OR51V1: variants seen among roughly 807,000 people sequenced by gnomAD.
OR51V1 encodes olfactory receptor family 51 subfamily V member 1.
Under a neutral mutation model 16.3 loss-of-function variants are expected in OR51V1, and 16 were observed. The ratio of observed to expected loss-of-function variants is 0.98; its 90% CI spans 0.67 to 1.49. The LOEUF (loss-of-function observed/expected upper bound fraction) is 1.49. Among genes scored for constraint, OR51V1 ranks in the 40% most tolerant of loss-of-function variants. The pLI, the probability that OR51V1 is intolerant of heterozygous loss-of-function variation, is 0.00. For missense variants in OR51V1, 469 were observed against 380.4 expected (o/e 1.23, Z -1.94); for synonymous variants, 189 against 142.2 (o/e 1.33, Z -2.34).
Position 5,200,081 on chromosome 11 carries a change from T to C in OR51V1, c.602A>G (p.Tyr201Cys), listed in dbSNP as rs766086459. The C allele has an allele frequency of 1.7e-5, 28 of 1,613,548 alleles. No homozygotes were observed. The highest frequency in any genetic ancestry group is 2.4e-5 in the Non-Finnish European group (28 of 1,179,504). The change falls in exon 1 of 1, where the codon TAT becomes TGT. Residue 201 changes from tyrosine (Y) to cysteine (C), a missense_variant. By Grantham distance (194) the Tyr-to-Cys change is radical (BLOSUM62 -2). Coordinates refer to ENST00000641270, the MANE Select transcript of OR51V1 (RefSeq NM_001004760.3). ...ACSDIRFNSYYALMLVICILL... is the reference protein window; with the variant it reads ...ACSDIRFNSYCALMLVICILL... ...TATGCAAATAACCAGCATCAGGGCA[T>C]AGTAACTATTGAATCGGATGTCTGA... is the stretch of plus-strand genomic sequence containing the variant.
At position 5,199,884 on chromosome 11, in the gene OR51V1, A is replaced by G; in HGVS notation, c.799T>C (p.Phe267Leu). ...GCCACGGGGGAAAGGTGCTTGCCAA[A>G]ACGGTGCACCATTGTGAGGCTAATG... ...PIISLTMVHR[F>L]GKHLSPVAHV... The change falls in exon 1 of 1, where the codon TTT becomes CTT. Residue 267 changes from phenylalanine to leucine, a missense_variant. By Grantham distance (22) the Phe-to-Leu change is conservative. Coordinates refer to ENST00000641270, the MANE Select transcript of OR51V1 (RefSeq NM_001004760.3). The G allele has an allele frequency of 1.2e-6, 2 of 1,614,120 alleles. No individual in the cohort carries two copies. Among genetic ancestry groups the G allele is most frequent in the Middle Eastern group, 1.6e-4 (1 of 6,062 alleles).
chr11:5,199,847 A>G lies in OR51V1; in HGVS notation c.836T>C (p.Ile279Thr), dbSNP rs775923202. The change falls in exon 1 of 1, where the codon ATT becomes ACT. Residue 279 changes from isoleucine (I) to threonine (T), a missense_variant. By Grantham distance (89) the Ile-to-Thr change is moderately conservative. Coordinates refer to ENST00000641270, the MANE Select transcript of OR51V1 (RefSeq NM_001004760.3). ...TGGGAAAAGGATGTAGATGTTGCCA[A>G]TGAGAACGTGGGCCACGGGGGAAAG... ...KHLSPVAHVL[I>T]GNIYILFPPL... The G allele has an allele frequency of 6.8e-6, 11 of 1,614,064 alleles. No individual in the cohort carries two copies. Among genetic ancestry groups the G allele is most frequent in the East Asian group, 4.5e-5 (2 of 44,890 alleles).
rs1589881841 is a variant in OR51V1 at position 5,200,237 on chromosome 11, A to G, written c.446T>C (p.Leu149Pro). 1 of 1,613,988 alleles carries G rather than the reference A, an allele frequency of 6.2e-7. No individual in the cohort carries two copies. Among genetic ancestry groups the G allele is most frequent in the Middle Eastern group, 1.6e-4 (1 of 6,062 alleles). The change falls in exon 1 of 1, where the codon CTC (leucine) becomes CCC (proline). Residue 149 changes from leucine to proline, a missense_variant. Leu to Pro is a moderately conservative substitution (Grantham distance 98). Transcript: ENST00000641270. The part of the protein sequence containing the change: ...LTNSRIIKIG[L>P]TIIGRSFFFI... Reference sequence around the variant, plus strand: ...GAAAAAACTCCTACCTATTATAGTGAGCCCAATTTTGATAATTCTGGAATT... The same window carrying G: ...GAAAAAACTCCTACCTATTATAGTGGGCCCAATTTTGATAATTCTGGAATT...
rs751694790 is a variant in OR51V1 at position 5,200,154 on chromosome 11, G to T, written c.529C>A (p.Leu177Ile). Residue 177 changes from leucine to isoleucine, a missense_variant, in exon 1 of 1, where the codon CTT becomes ATT. By Grantham distance (5) the Leu-to-Ile change is conservative. Transcript: ENST00000641270. ...KFFNYCHFHI[L>I]SHSFCLHQDL... Reference sequence around the variant, plus strand: ...TGGTGCAGGCAGAAAGAGTGAGAAAGGATGTGGAAATGACAGTAATTAAAA... The same window carrying T: ...TGGTGCAGGCAGAAAGAGTGAGAAATGATGTGGAAATGACAGTAATTAAAA... 6.2e-7 allele frequency: 1 copy of T among 1,612,496 alleles called. No individual in the cohort carries two copies. The highest frequency in any genetic ancestry group is 1.7e-5 in the Admixed American group (1 of 59,970).
rs111933180 is a variant in OR51V1, at chr11:5,200,325, T to C, written c.358A>G (p.Thr120Ala). 28 of 1,613,910 alleles carry C rather than the reference T, an allele frequency of 1.7e-5. No homozygotes were observed. In the African/African-American group the frequency reaches 2.3e-4, roughly 13 times the overall value. The change falls in exon 1 of 1, where the codon ACT becomes GCT. Residue 120 changes from threonine to alanine, a missense_variant. Transcript: ENST00000641270. ...GCAATGTACCGGTCAAAGGCCATAG[T>C]GAGGAGGACAGAGGACTCCATGAAG... ...LSFMESSVLL[T>A]MAFDRYIAIC...
At position 5,200,336 on chromosome 11, in the gene OR51V1, G is replaced by A. The variant is rs760935241; in HGVS notation, c.347C>T (p.Ser116Phe). The A allele has an allele frequency of 2.5e-6, 4 of 1,614,052 alleles. No individual in the cohort carries two copies. Among genetic ancestry groups the A allele is most frequent in the Non-Finnish European group, 3.4e-6 (4 of 1,179,948 alleles). The change falls in exon 1 of 1, where the codon TCT (serine) becomes TTT (phenylalanine). Residue 116 changes from serine (S) to phenylalanine (F), a missense_variant. Coordinates refer to ENST00000641270, the MANE Select transcript of OR51V1 (RefSeq NM_001004760.3). ...GTCAAAGGCCATAGTGAGGAGGACAGAGGACTCCATGAAGGACAGACCATG... is the reference window on the plus strand; with the variant it reads ...GTCAAAGGCCATAGTGAGGAGGACAAAGGACTCCATGAAGGACAGACCATG... The part of the protein sequence containing the change: ...FIHGLSFMES[S>F]VLLTMAFDRY...
rs1564866660 is a variant in OR51V1, at chr11:5,200,196, T to C, written c.487A>G (p.Ile163Val). Residue 163 changes from isoleucine to valine, a missense_variant, in exon 1 of 1, where the codon ATC becomes GTC. By Grantham distance (29) the Ile-to-Val change is conservative (BLOSUM62 3). Coordinates refer to ENST00000641270, the MANE Select transcript of OR51V1 (RefSeq NM_001004760.3). ...TAATTAAAAAATTTCAGACAGATGA[T>C]GGGGGGTGTAATAAAGAAAAAACTC... ...GRSFFFITPP[I>V]ICLKFFNYCH... 6.2e-7 allele frequency: 1 copy of C among 1,612,634 alleles called. No individual in the cohort carries two copies. Among genetic ancestry groups the C allele is most frequent in the African/African-American group, 1.3e-5 (1 of 74,238 alleles).
Position 5,199,875 on chromosome 11 carries a change from G to A in OR51V1, c.808C>T (p.His270Tyr). The A allele has an allele frequency of 6.2e-7, 1 of 1,614,074 alleles. No homozygotes were observed. The highest frequency in any genetic ancestry group is 8.5e-7 in the Non-Finnish European group (1 of 1,180,000). Residue 270 changes from histidine (H) to tyrosine (Y), a missense_variant, in exon 1 of 1, where the codon CAC (histidine) becomes TAC (tyrosine). Physicochemically the swap from His to Tyr is moderately conservative, Grantham distance 83 (BLOSUM62 2). Coordinates refer to ENST00000641270, the MANE Select transcript of OR51V1 (RefSeq NM_001004760.3). ...SLTMVHRFGK[H>Y]LSPVAHVLIG... ...AGAACGTGGGCCACGGGGGAAAGGT[G>A]CTTGCCAAAACGGTGCACCATTGTG...
rs1310712696 is a variant in OR51V1, at chr11:5,200,443, A to C, written c.240T>G (p.Thr80=). 1.2e-6 allele frequency: 2 copies of C among 1,613,894 alleles called. No homozygotes were observed. Among genetic ancestry groups the C allele is most frequent in the African/African-American group, 2.7e-5 (2 of 74,866 alleles). ...ACAGGATCCCCAGCACTGTGTACACAGTGGACAGCCCCATGCACAGGTCAG... is the reference window on the plus strand; with the variant it reads ...ACAGGATCCCCAGCACTGTGTACACCGTGGACAGCCCCATGCACAGGTCAG... ...ALTDLCMGLS[T]VYTVLGILWG... is the part of the protein sequence containing the mutation. The change falls in exon 1 of 1, where the codon ACT becomes ACG. Residue 80 remains threonine, a synonymous_variant. Coordinates refer to ENST00000641270, the MANE Select transcript of OR51V1 (RefSeq NM_001004760.3).
Position 5,200,583 on chromosome 11 carries a change from A to G in OR51V1, c.100T>C (p.Phe34Leu). Residue 34 changes from phenylalanine to leucine, a missense_variant, in exon 1 of 1, where the codon TTC (phenylalanine) becomes CTC (leucine). Phe to Leu is a conservative substitution (Grantham distance 22, BLOSUM62 0). Transcript: ENST00000641270. ...EQQYPWLSIPFSSIYAMVLLG... is the reference protein window; with the variant it reads ...EQQYPWLSIPLSSIYAMVLLG... ...AGCACCATGGCATAGATTGAGGAGA[A>G]GGGGATGGAAAGCCAGGGGTATTGC... 6.2e-7 allele frequency: 1 copy of G among 1,613,802 alleles called. No homozygotes were observed. The highest frequency in any genetic ancestry group is 1.3e-5 in the African/African-American group (1 of 75,012).
In OR51V1 at chr11:5,200,280, A is replaced by G; in HGVS notation, c.403T>C (p.Tyr135His). 6.2e-7 allele frequency: 1 copy of G among 1,613,858 alleles called. No homozygotes were observed. Among genetic ancestry groups the G allele is most frequent in the Non-Finnish European group, 8.5e-7 (1 of 1,179,770 alleles). ...RYIAICNPLRYSSILTNSRII... is the reference protein window; with the variant it reads ...RYIAICNPLRHSSILTNSRII... ...CTGGAATTAGTCAGGATGGAGGAAT[A>G]ACGTAGTGGATTGCAAATTGCAATG... Residue 135 changes from tyrosine to histidine, a missense_variant, in exon 1 of 1, where the codon TAT becomes CAT. Transcript: ENST00000641270.
Position 5,199,790 on chromosome 11 carries a change from T to C in OR51V1, c.893A>G (p.Lys298Arg), listed in dbSNP as rs1847185941. The change falls in exon 1 of 1, where the codon AAG (lysine) becomes AGG (arginine). Residue 298 changes from lysine to arginine, a missense_variant. Physicochemically the swap from Lys to Arg is conservative, Grantham distance 26. Transcript: ENST00000641270. ...PLMNPIIYSV[K>R]TQQIHTRMLR... ...CATTCTGGTATGAATCTGTTGGGTC[T>C]TGACACTGTAGATGATGGGATTCAT... 2.5e-6 allele frequency: 4 copies of C among 1,613,620 alleles called. No homozygotes were observed. The highest frequency in any genetic ancestry group is 3.4e-6 in the Non-Finnish European group (4 of 1,179,694).
chr11:5,199,798 G>A lies in OR51V1; in HGVS notation c.885C>T (p.Tyr295=). The change falls in exon 1 of 1, where the codon TAC becomes TAT. Residue 295 remains tyrosine (Y), a synonymous_variant. Transcript: ENST00000641270. ...TATGAATCTGTTGGGTCTTGACACT[G>A]TAGATGATGGGATTCATTAAAGGTG... ...LFPPLMNPII[Y]SVKTQQIHTR... The A allele has an allele frequency of 1.2e-5, 19 of 1,613,376 alleles. No individual in the cohort carries two copies. Among genetic ancestry groups the A allele is most frequent in the Non-Finnish European group, 1.6e-5 (19 of 1,179,414 alleles).
chr11:5,199,880 C>T lies in OR51V1; in HGVS notation c.803G>A (p.Gly268Asp), dbSNP rs572731833. 1.3e-4 allele frequency: 214 copies of T among 1,614,024 alleles called. 2 individuals carry two copies. In the South Asian group the frequency reaches 2.2e-3, roughly 17 times the overall value. The change falls in exon 1 of 1, where the codon GGC (glycine) becomes GAC (aspartate). Residue 268 changes from glycine (G) to aspartate (D), a missense_variant. Coordinates refer to ENST00000641270, the MANE Select transcript of OR51V1 (RefSeq NM_001004760.3). ...GTGGGCCACGGGGGAAAGGTGCTTG[C>T]CAAAACGGTGCACCATTGTGAGGCT... ...IISLTMVHRF[G>D]KHLSPVAHVL...
Position 5,200,036 on chromosome 11 carries a change from A to G in OR51V1, c.647T>C (p.Leu216Pro). Reference protein sequence around the residue: ...VICILLLDAILILFSYILILK... With the variant: ...VICILLLDAIPILFSYILILK... The stretch of plus-strand genomic sequence containing the variant: ...AATCAGGATGTAGGAGAAAAGGATG[A>G]GTATAGCATCCAACAACAGTATGCA... The change falls in exon 1 of 1, where the codon CTC (leucine) becomes CCC (proline). Residue 216 changes from leucine to proline, a missense_variant. Physicochemically the swap from Leu to Pro is moderately conservative, Grantham distance 98. Transcript: ENST00000641270. The G allele has an allele frequency of 6.2e-7, 1 of 1,610,570 alleles. No individual in the cohort carries two copies. The highest frequency in any genetic ancestry group is 8.5e-7 in the Non-Finnish European group (1 of 1,176,806).
chr11:5,200,268 G>A lies in OR51V1; in HGVS notation c.415C>T (p.Leu139=), dbSNP rs1458388160. The stretch of plus-strand genomic sequence containing the variant: ...ATTTTGATAATTCTGGAATTAGTCA[G>A]GATGGAGGAATAACGTAGTGGATTG... ...ICNPLRYSSI[L]TNSRIIKIGL... The change falls in exon 1 of 1, where the codon CTG becomes TTG. Residue 139 remains leucine (L), a synonymous_variant. Coordinates refer to ENST00000641270, the MANE Select transcript of OR51V1 (RefSeq NM_001004760.3). 3.1e-6 allele frequency: 5 copies of A among 1,613,732 alleles called. No individual in the cohort carries two copies. The highest frequency in any genetic ancestry group is 4.2e-6 in the Non-Finnish European group (5 of 1,179,692).
In OR51V1 at chr11:5,200,168, C is replaced by T; in HGVS notation, c.515G>A (p.Cys172Tyr). 2 of 1,612,716 alleles carry T rather than the reference C, an allele frequency of 1.2e-6. No individual in the cohort carries two copies. The highest frequency in any genetic ancestry group is 1.7e-6 in the Non-Finnish European group (2 of 1,179,180). Residue 172 changes from cysteine (C) to tyrosine (Y), a missense_variant, in exon 1 of 1, where the codon TGT (cysteine) becomes TAT (tyrosine). Physicochemically the swap from Cys to Tyr is radical, Grantham distance 194 (BLOSUM62 -2). Coordinates refer to ENST00000641270, the MANE Select transcript of OR51V1 (RefSeq NM_001004760.3). ...PIICLKFFNY[C>Y]HFHILSHSFC... ...AGAGTGAGAAAGGATGTGGAAATGA[C>T]AGTAATTAAAAAATTTCAGACAGAT...
Position 5,200,181 on chromosome 11 carries a change from A to T in OR51V1, c.502T>A (p.Phe168Ile). 1 of 1,613,598 alleles carries T rather than the reference A, an allele frequency of 6.2e-7. No individual in the cohort carries two copies. Among genetic ancestry groups the T allele is most frequent in the East Asian group, 2.2e-5 (1 of 44,876 alleles). ...ATGTGGAAATGACAGTAATTAAAAA[A>T]TTTCAGACAGATGATGGGGGGTGTA... is the stretch of plus-strand genomic sequence containing the variant. ...FITPPIICLK[F>I]FNYCHFHILS... Residue 168 changes from phenylalanine to isoleucine, a missense_variant, in exon 1 of 1, where the codon TTT becomes ATT. Physicochemically the swap from Phe to Ile is conservative, Grantham distance 21. Transcript: ENST00000641270.
Position 5,200,401 on chromosome 11 carries a change from C to G in OR51V1, c.282G>C (p.Glu94Asp). ...GGGCAATGCAGGAATCCAAGCTGATCTCTCGAATGATCCCCCACAGGATCC... is the reference window on the plus strand; with the variant it reads ...GGGCAATGCAGGAATCCAAGCTGATGTCTCGAATGATCCCCCACAGGATCC... ...VLGILWGIIR[E>D]ISLDSCIAQS... is the part of the protein sequence containing the mutation. Residue 94 changes from glutamate to aspartate, a missense_variant, in exon 1 of 1, where the codon GAG (glutamate) becomes GAC (aspartate). By Grantham distance (45) the Glu-to-Asp change is conservative. Coordinates refer to ENST00000641270, the MANE Select transcript of OR51V1 (RefSeq NM_001004760.3). 3.7e-6 allele frequency: 6 copies of G among 1,613,962 alleles called. No homozygotes were observed. Among genetic ancestry groups the G allele is most frequent in the South Asian group, 1.1e-5 (1 of 91,062 alleles).
Sources: gnomAD v4.1 joint callset for allele counts on GRCh38, gnomAD v4.1.1 for gene constraint, MANE v1.5 for transcripts, NCBI Gene and HGNC (gene_info 2026-07-23, HGNC 2026-07-21) for gene names.